Variants in KLHL11 observed in about 807,000 individuals in gnomAD.
KLHL11 encodes kelch-like protein 11.
In KLHL11, 26 loss-of-function variants were observed where a neutral mutation model predicts 56.1. The observed-to-expected ratio is 0.46, with a 90% CI of 0.34 to 0.64. The LOEUF is 0.64. Ranked by LOEUF, KLHL11 falls within the 30% of genes least tolerant of loss-of-function variation. The pLI, the probability that KLHL11 is intolerant of heterozygous loss-of-function variation, is 0.01. For synonymous variants in KLHL11, 338 were observed against 345.8 expected, an observed-to-expected ratio of 0.98 and a Z score of 0.25; for missense variants, 627 against 919.4, an observed-to-expected ratio of 0.68 and a Z score of 4.11.
At position 41,853,682 on chromosome 17, in the gene KLHL11, G is replaced by A. The variant is rs941398226; in HGVS notation, c.*58C>T. 119 of 1,528,894 alleles carry A rather than the reference G, an allele frequency of 7.8e-5. No individual in the cohort carries two copies. Among genetic ancestry groups the A allele is most frequent in the Non-Finnish European group, 8.9e-5 (101 of 1,136,892 alleles). 94.7% of individuals were successfully genotyped at this position (1,528,894 alleles called of 1,614,324 possible). A position where few individuals can be genotyped will look rare whatever the true frequency, so the allele number is the denominator to read the frequency against. ...ACATACTTTTTTAAATAACAGCCTG[G>A]GTATCTTCAGCTTCACGAAACGGGT... On this transcript the variant is annotated 3_prime_UTR_variant, in exon 2 of 2. Coordinates refer to ENST00000319121, the MANE Select transcript of KLHL11 (RefSeq NM_018143.3).
At chr17:41,855,464 T>C (rs1555622434) in intron 1 of KLHL11, 143 bp from the exon 2 acceptor site, 4 of 604,246 alleles carry the variant, frequency 6.6e-6, no homozygotes, top group African/African-American at 3.7e-5. Context: ...CTGCAACCTC[T>C]ACCTCCTGGG....
intron 1 of KLHL11, among the ~76,000 whole-genome samples, chr17:41,859,127 T>C (rs548209553): frequency 4.3e-4 from 66 of 152,238 alleles, no homozygotes; most frequent in Non-Finnish European, 7.5e-4. Context: ...AGCTTTTTCT[T>C]TGGGCAGCCA....
Position 41,865,274 on chromosome 17 carries a change from A to C in KLHL11, c.97T>G (p.Ser33Ala), listed in dbSNP as rs1411594753. The C allele has an allele frequency of 1.3e-5, 20 of 1,572,878 alleles. No individual in the cohort carries two copies. Among genetic ancestry groups the C allele is most frequent in the Non-Finnish European group, 1.7e-5 (20 of 1,166,422 alleles). ...CGGACCTCGGCGGCCAGTCCTGCCG[A>C]GCCGGCGGCGGCCGTCTCCATGCTC... ...MESMETAAAGSAGLAAEVRGS... is the reference protein window; with the variant it reads ...MESMETAAAGAAGLAAEVRGS... The change falls in exon 1 of 2, where the codon TCG becomes GCG. Residue 33 changes from serine to alanine, a missense_variant. Coordinates refer to ENST00000319121, the MANE Select transcript of KLHL11 (RefSeq NM_018143.3).
rs2048365957 is a variant in KLHL11, at chr17:41,856,275, C to A, written c.546-954G>T. Among the ~76,000 whole-genome samples, 3 of 152,326 alleles carry A rather than the reference C, an allele frequency of 2.0e-5. 1 individual carries two copies. The South Asian group carries it at 6.2e-4, about 32-fold the overall frequency. On this transcript the variant is annotated intron_variant, in intron 1 of 1. Transcript: ENST00000319121. ...AAAGTGCTGAGATTACAGGCGTGGG[C>A]CACTGTGCCTGGCCATGGCCTACAT... is the stretch of plus-strand genomic sequence containing the variant.
At chr17:41,858,438 G>T (rs1187067089) in intron 1 of KLHL11, among the ~76,000 whole-genome samples, 8 of 58,542 alleles carry the variant, frequency 1.4e-4, no homozygotes, top group African/African-American at 4.6e-4. Context: ...TGTTGTTGTT[G>T]TTTTTCTCCC....
chr17:41,860,369 A>G (rs1276419569), intron 1 of KLHL11, among the ~76,000 whole-genome samples: 2 of 132,782 alleles, frequency 1.5e-5, no homozygotes, highest in African/African-American at 5.8e-5. Flanking sequence ...GGCAGGCATG[A>G]TCATCAACAG....
intron 1 of KLHL11, among the ~76,000 whole-genome samples, 161 bp from the exon 2 acceptor site, chr17:41,855,482 G>C (rs138109987): frequency 2.0e-5 from 3 of 152,054 alleles, no homozygotes; most frequent in African/African-American, 7.2e-5. Flanking sequence ...GGGTTCCAGC[G>C]ATTCTCCTGC....
intron 1 of KLHL11, among the ~76,000 whole-genome samples, chr17:41,857,974 A>G (rs2048376827): frequency 6.6e-6 from 1 of 152,026 alleles, no homozygotes; most frequent in Non-Finnish European, 1.5e-5. Context: ...GCGCCACCAC[A>G]TCTGGCTAAT....
rs782238448 is a variant in KLHL11 at position 41,854,444 on chromosome 17, T to C, written c.1423A>G (p.Asn475Asp). 1.2e-6 allele frequency: 2 copies of C among 1,614,200 alleles called. No homozygotes were observed. The highest frequency in any genetic ancestry group is 1.7e-6 in the Non-Finnish European group (2 of 1,180,044). ...TTGTGCCATTTATCAAGCTCAGGAT[T>C]ATAAACAGTCACATCTTTAAAACCA... ...SPGFKDVTVY[N>D]PELDKWHNLE... The change falls in exon 2 of 2, where the codon AAT (asparagine) becomes GAT (aspartate). Residue 475 changes from asparagine to aspartate, a missense_variant. Physicochemically the swap from Asn to Asp is conservative, Grantham distance 23 (BLOSUM62 1). This residue lies in a region of KLHL11 where 250 missense variants were observed against 360.6 expected (regional missense o/e 0.69). Coordinates refer to ENST00000319121, the MANE Select transcript of KLHL11 (RefSeq NM_018143.3). This position sits in a 1 kb window ranked among gnomAD's most constrained non-coding sequence, Gnocchi z 4.9.
chr17:41,855,245 T>A lies in KLHL11; in HGVS notation c.622A>T (p.Ile208Phe). ...KKLHLSNCVA[I>F]HSLAHMYTLS... ...GTGTACATGTGTGCTAAGCTATGAA[T>A]TGCCACACAATTTGAGAGATGAAGT... Residue 208 changes from isoleucine (I) to phenylalanine (F), a missense_variant, in exon 2 of 2, where the codon ATT (isoleucine) becomes TTT (phenylalanine). Around this residue, in one of 4 missense-constraint regions of KLHL11, gnomAD observed 150 missense variants for 215.7 expected, o/e 0.70. Transcript: ENST00000319121. 6.2e-7 allele frequency: 1 copy of A among 1,611,734 alleles called. No homozygotes were observed. The highest frequency in any genetic ancestry group is 8.5e-7 in the Non-Finnish European group (1 of 1,179,062).
At chr17:41,858,427 TTG>T (rs2048381610) in intron 1 of KLHL11, among the ~76,000 whole-genome samples, 1 of 81,938 alleles carries the variant, frequency 1.2e-5, no homozygotes, top group African/African-American at 4.4e-5. Context: ...GTTGTTGTTG[TTG>T]TTGTTGTTGT....
chr17:41,857,203 T>C (rs1160392350), intron 1 of KLHL11, among the ~76,000 whole-genome samples: 2 of 150,880 alleles, frequency 1.3e-5, no homozygotes, highest in African/African-American at 4.9e-5. Flanking sequence ...CAAGACTGTC[T>C]CTTTAAAAAA....
chr17:41,861,756 C>T (rs1402009502), intron 1 of KLHL11, among the ~76,000 whole-genome samples: 1 of 150,974 alleles, frequency 6.6e-6, no homozygotes, highest in African/African-American at 2.4e-5. Context: ...AAAGGGATCA[C>T]CCCTCTTCCA....
chr17:41,858,410 TGTTGTTG>T (rs782048321), intron 1 of KLHL11, among the ~76,000 whole-genome samples: 82 of 61,966 alleles, frequency 1.3e-3, no homozygotes, highest in Middle Eastern at 7.4e-3. Context: ...ATATATTTTT[TGTTGTTG>T]TTGTTGTTGT....
In KLHL11 at chr17:41,852,102, C is replaced by T. The variant is rs1254076715; in HGVS notation, c.*1638G>A. Among the ~76,000 whole-genome samples the T allele has an allele frequency of 6.6e-6, 1 of 152,118 alleles. No homozygotes were observed. Among genetic ancestry groups the T allele is most frequent in the Non-Finnish European group, 1.5e-5 (1 of 68,014 alleles). ...GATCACAGCTCATTTCAGCCTCAAC[C>T]TTCCCAGGCTCTGGTGATCCTCCCA... On this transcript the variant is annotated 3_prime_UTR_variant, in exon 2 of 2. Coordinates refer to ENST00000319121, the MANE Select transcript of KLHL11 (RefSeq NM_018143.3).
At position 41,865,380 on chromosome 17, in the gene KLHL11, G is replaced by T; in HGVS notation, c.-10C>A. 1 of 1,385,580 alleles carries T rather than the reference G, an allele frequency of 7.2e-7. No homozygotes were observed. Among genetic ancestry groups the T allele is most frequent in the Non-Finnish European group, 9.4e-7 (1 of 1,065,734 alleles). The allele number at this position is 1,385,580 out of a possible 1,614,324, so 85.8% of individuals were successfully genotyped here. A position where few individuals can be genotyped will look rare whatever the true frequency, so the allele number is the denominator to read the frequency against. ...CTGCCGCAGCCGCCATCTTGACGCCGCTGCGCCCGGCCTCCACAGCCTCGG... is the reference window on the plus strand; with the variant it reads ...CTGCCGCAGCCGCCATCTTGACGCCTCTGCGCCCGGCCTCCACAGCCTCGG... On this transcript the variant is annotated 5_prime_UTR_variant, in exon 1 of 2. Coordinates refer to ENST00000319121, the MANE Select transcript of KLHL11 (RefSeq NM_018143.3).
rs1244455382 is a variant in KLHL11 at position 41,865,071 on chromosome 17, G to A, written c.300C>T (p.Phe100=). 6.3e-6 allele frequency: 10 copies of A among 1,595,518 alleles called. No individual in the cohort carries two copies. The highest frequency in any genetic ancestry group is 1.1e-5 in the South Asian group (1 of 89,446). The part of the protein sequence containing the change: ...QGLFCDITLC[F]GGAGGREFRA... Reference sequence around the variant, plus strand: ...GGAACTCGCGGCCTCCAGCCCCGCCGAAGCACAGGGTAATGTCGCAGAAGA... The same window carrying A: ...GGAACTCGCGGCCTCCAGCCCCGCCAAAGCACAGGGTAATGTCGCAGAAGA... Residue 100 remains phenylalanine (F), a synonymous_variant, in exon 1 of 2, where the codon TTC becomes TTT. Transcript: ENST00000319121.
chr17:41,856,881 A>G (rs2048370032), intron 1 of KLHL11, among the ~76,000 whole-genome samples: 1 of 151,856 alleles, frequency 6.6e-6, no homozygotes, highest in South Asian at 2.1e-4. Flanking sequence ...TTAGCTGGGC[A>G]TGGTGGTGGG....
intron 1 of KLHL11, among the ~76,000 whole-genome samples, chr17:41,861,198 T>C (rs1239289551): frequency 3.9e-5 from 6 of 152,246 alleles, no homozygotes; most frequent in Non-Finnish European, 8.8e-5. Flanking sequence ...CAGGACAGCC[T>C]GTGCTTGCCA....
Sources: allele counts gnomAD v4.1 joint callset (sites outside exome capture counted in the v4.1 genomes callset), GRCh38; gene constraint gnomAD v4.1.1; regional missense constraint gnomAD v4.1.1; non-coding constraint Gnocchi (gnomAD v3.1); transcripts MANE v1.5; gene names NCBI Gene and HGNC (gene_info 2026-07-23, HGNC 2026-07-21).